The following CEP83 variants were observed in gnomAD, a reference collection of about 807,000 sequenced individuals.
The protein encoded by CEP83 is centrosomal protein 83.
A neutral mutation model predicts 101.9 loss-of-function variants in CEP83; 70 were observed. That is an observed-to-expected ratio of 0.69 (90% CI 0.57 to 0.84). The LOEUF is 0.84. Ranked by LOEUF, CEP83 falls within the 40% of genes least tolerant of loss-of-function variation. CEP83 has a pLI of 0.00. For missense variants in CEP83, 715 were observed against 787.2 expected (o/e 0.91, Z 1.10); for synonymous variants, 264 against 267.9 (o/e 0.99, Z 0.14).
chr12:94,287,164 T>C, the CEP83 span, among the ~76,000 whole-genome samples: 1 of 152,232 alleles, frequency 6.6e-6, no homozygotes, highest in Non-Finnish European at 1.5e-5. Flanking sequence ...GGAGGGTGCA[T>C]TTCTGTTCCA....
Position 94,412,406 on chromosome 12 carries a change from A to T in CEP83, c.85T>A (p.Ser29Thr). ...GGDSGLTGSQ[S>T]EFQKMLIDER... is the part of the protein sequence containing the mutation. ...TCAATTAACATTTTCTGGAACTCCG[A>T]CTGAGAACCTGTCAATCCACTGTCT... The change falls in exon 3 of 17, where the codon TCG becomes ACG. Residue 29 changes from serine (S) to threonine (T), a missense_variant. Coordinates refer to ENST00000397809, the MANE Select transcript of CEP83 (RefSeq NM_016122.3). 3.7e-6 allele frequency: 6 copies of T among 1,612,844 alleles called. No homozygotes were observed. Among genetic ancestry groups the T allele is most frequent in the Non-Finnish European group, 5.1e-6 (6 of 1,179,300 alleles).
chr12:94,393,235 T>C (rs1226670942), intron 6 of CEP83, among the ~76,000 whole-genome samples: 1 of 152,200 alleles, frequency 6.6e-6, no homozygotes, highest in Non-Finnish European at 1.5e-5. Flanking sequence ...AATAAAATAC[T>C]GGCAAACCAA....
chr12:94,339,330 C>T (rs2059582394), intron 11 of CEP83, among the ~76,000 whole-genome samples: 1 of 152,066 alleles, frequency 6.6e-6, no homozygotes, highest in Non-Finnish European at 1.5e-5. Context: ...GGACAGAATG[C>T]CTACCCTTGA....
chr12:94,388,942 C>T (rs542673279), intron 6 of CEP83, among the ~76,000 whole-genome samples: 17 of 152,202 alleles, frequency 1.1e-4, no homozygotes, highest in African/African-American at 3.4e-4. Flanking sequence ...GCCTAGCCCA[C>T]ATGACGAAAC....
chr12:94,443,961 A>G (rs2066609840), intron 1 of CEP83, among the ~76,000 whole-genome samples: 1 of 152,246 alleles, frequency 6.6e-6, no homozygotes, highest in Admixed American at 6.5e-5. Context: ...TAATGACAGT[A>G]AAGTGATCCA....
chr12:94,288,209 A>G, the CEP83 span, among the ~76,000 whole-genome samples: 1 of 152,174 alleles, frequency 6.6e-6, no homozygotes, highest in Non-Finnish European at 1.5e-5. Flanking sequence ...CCCAGGGTGA[A>G]TCTCGTGTCT....
chr12:94,378,261 G>A (rs1299458622), intron 7 of CEP83, among the ~76,000 whole-genome samples: 1 of 152,138 alleles, frequency 6.6e-6, no homozygotes, highest in Non-Finnish European at 1.5e-5. Flanking sequence ...AGTCAGGTCT[G>A]CCAACACTTA....
intron 11 of CEP83, among the ~76,000 whole-genome samples, chr12:94,357,891 G>C (rs2060558508): frequency 6.6e-6 from 1 of 152,174 alleles, no homozygotes; most frequent in South Asian, 2.1e-4. Context: ...ATGTGGGAAT[G>C]GGAAAAAGTG....
At chr12:94,410,716 A>G (rs1196973914) in intron 4 of CEP83, among the ~76,000 whole-genome samples, 1 of 152,222 alleles carries the variant, frequency 6.6e-6, no homozygotes, top group Non-Finnish European at 1.5e-5. Context: ...CATTGATTCT[A>G]CAGGCTTAAA....
chr12:94,279,443 G>A, the CEP83 span: 5 of 1,587,472 alleles, frequency 3.1e-6, no homozygotes, highest in Non-Finnish European at 3.4e-6. Flanking sequence ...TTATCTAATA[G>A]ACTTGGAAAC....
In CEP83 at chr12:94,424,032, G is replaced by A. The variant is rs146235388; in HGVS notation, c.-102+11243C>T. ...AGAACTGAACCTGAAGGCTGCATGA[G>A]GTATGAATGGTGGTGCATCCAGGAT... is the stretch of plus-strand genomic sequence containing the variant. On this transcript the variant is annotated intron_variant, in intron 2 of 16. Transcript: ENST00000397809. 4.7e-4 allele frequency: 754 copies of A among 1,612,570 alleles called. 3 individuals carry two copies. The African/African-American group carries it at 9.1e-3, about 19-fold the overall frequency.
chr12:94,412,824 G>T (rs1159791556), intron 2 of CEP83, among the ~76,000 whole-genome samples: 3 of 150,942 alleles, frequency 2.0e-5, no homozygotes, highest in Non-Finnish European at 4.4e-5. Context: ...GAATAGCTGG[G>T]ATTACAGGCG....
At chr12:94,427,359 C>CACTT (rs1299929930) in intron 2 of CEP83, among the ~76,000 whole-genome samples, 1 of 152,170 alleles carries the variant, frequency 6.6e-6, no homozygotes, top group Non-Finnish European at 1.5e-5. Flanking sequence ...AATCAGTGAG[C>CACTT]ACTTGTTGGG....
At chr12:94,452,075 A>G (rs2067295786) in intron 1 of CEP83, among the ~76,000 whole-genome samples, 1 of 151,620 alleles carries the variant, frequency 6.6e-6, no homozygotes, top group South Asian at 2.1e-4. Context: ...GCATGAAGTT[A>G]AAGAAGCCAG....
rs147496496 is a variant in CEP83 at position 94,310,808 on chromosome 12, T to C, written c.1812-701A>G. Among the ~76,000 whole-genome samples the C allele has an allele frequency of 2.2e-3, 337 of 152,352 alleles. 2 individuals are homozygous for C. The highest frequency in any genetic ancestry group is 7.8e-3 in the African/African-American group (325 of 41,582). ...TAGAGATTTTCATAGTTCAATCTAA[T>C]TTTCAAAATGTCAGTGTAATATTTT... On this transcript the variant is annotated intron_variant, in intron 15 of 16. Coordinates refer to ENST00000397809, the MANE Select transcript of CEP83 (RefSeq NM_016122.3).
intron 16 of CEP83, 119 bp from the exon 17 acceptor site, chr12:94,309,036 T>C: frequency 1.5e-6 from 1 of 661,718 alleles, no homozygotes; most frequent in Non-Finnish European, 2.7e-6. Flanking sequence ...TGCTGACCAC[T>C]GTAGCAGTCT....
chr12:94,391,513 A>G (rs1440600622), intron 6 of CEP83, among the ~76,000 whole-genome samples: 2 of 152,226 alleles, frequency 1.3e-5, no homozygotes, highest in African/African-American at 2.4e-5. Flanking sequence ...GGTATCAGCC[A>G]CTGCAAAAAC....
chr12:94,362,605 C>A (rs976287757), intron 11 of CEP83, among the ~76,000 whole-genome samples: 13 of 152,138 alleles, frequency 8.5e-5, no homozygotes. Context: ...CCACTGCACT[C>A]CAGCCTAGGT....
At chr12:94,281,658 T>A in the CEP83 span, among the ~76,000 whole-genome samples, 1 of 152,310 alleles carries the variant, frequency 6.6e-6, no homozygotes, top group African/African-American at 2.4e-5. Context: ...TAGCCTCAAG[T>A]AATCCCCCTG....
Sources: gnomAD v4.1 joint callset for allele counts (sites outside exome capture counted in the v4.1 genomes callset) on GRCh38, gnomAD v4.1.1 for gene constraint, MANE v1.5 for transcripts, NCBI Gene and HGNC (gene_info 2026-07-23, HGNC 2026-07-21) for gene names.